NUBP2: variants seen among roughly 807,000 people sequenced by gnomAD.
NUBP2 encodes cytosolic Fe-S cluster assembly factor NUBP2.
In NUBP2, 23 loss-of-function variants were observed where a neutral mutation model predicts 24.9. That is an observed-to-expected ratio of 0.92 (90% CI 0.66 to 1.31). NUBP2 has a LOEUF of 1.31. Among genes scored for constraint, NUBP2 ranks in the 50% most tolerant of loss-of-function variants. NUBP2 has a pLI of 0.00. For synonymous variants in NUBP2, 186 were observed against 170.9 expected (o/e 1.09, Z -0.69); for missense variants, 403 against 386.5 (o/e 1.04, Z -0.36).
In NUBP2 at chr16:1,787,813, C is replaced by T. The variant is rs759857486; in HGVS notation, c.471C>T (p.Leu157=). ...ALRPYQPLGA[L]VVTTPQAVSV... ...GTCCCTACCAGCCCCTGGGGGCCCT[C>T]GTGGTCACCACGCCCCAGGTAGCGC... The change falls in exon 4 of 7, where the codon CTC becomes CTT. Residue 157 remains leucine (L), a synonymous_variant. Transcript: ENST00000262302. 14 of 1,611,306 alleles carry T rather than the reference C, an allele frequency of 8.7e-6. No homozygotes were observed. Among genetic ancestry groups the T allele is most frequent in the Middle Eastern group, 1.6e-4 (1 of 6,074 alleles).
Position 1,785,759 on chromosome 16 carries a change from T to C in NUBP2, c.17-778T>C, listed in dbSNP as rs945780678. 3.9e-6 allele frequency: 5 copies of C among 1,289,012 alleles called. No individual in the cohort carries two copies. The African/African-American group carries it at 6.1e-5, about 16-fold the overall frequency. The allele number at this position is 1,289,012 out of a possible 1,614,324, so 79.8% of individuals were successfully genotyped here. ...GGGAGGCTTTGGACTTGGGAGCCTTTGAACGTGCCCTTGAGAGGCGGATCA... is the reference window on the plus strand; with the variant it reads ...GGGAGGCTTTGGACTTGGGAGCCTTCGAACGTGCCCTTGAGAGGCGGATCA... On this transcript the variant is annotated intron_variant, in intron 1 of 6. Coordinates refer to ENST00000262302, the MANE Select transcript of NUBP2 (RefSeq NM_012225.4).
rs1327961580 is a variant in NUBP2, at chr16:1,788,012, C to T, written c.561C>T (p.Ile187=). Residue 187 remains isoleucine, a synonymous_variant, in exon 5 of 7, where the codon ATC becomes ATT. Transcript: ENST00000262302. ...CRKTGLRVMG[I]VENMSGFTCP... Reference sequence around the variant, plus strand: ...AGACGGGCTTGCGGGTGATGGGAATCGTGGAGAATATGAGCGGCTTCACCT... The same window carrying T: ...AGACGGGCTTGCGGGTGATGGGAATTGTGGAGAATATGAGCGGCTTCACCT... The T allele has an allele frequency of 5.0e-6, 8 of 1,603,082 alleles. No individual in the cohort carries two copies. Among genetic ancestry groups the T allele is most frequent in the Middle Eastern group, 1.7e-4 (1 of 5,998 alleles).
rs1440025772 is a variant in NUBP2, at chr16:1,782,990, AC to A, written c.-30del. On this transcript the variant is annotated 5_prime_UTR_variant, in exon 1 of 7. It adds an upstream start codon to the 5' untranslated region. Coordinates refer to ENST00000262302, the MANE Select transcript of NUBP2 (RefSeq NM_012225.4). ...GCTGACGGCCCGCGGGCGTAAGCGG[AC>A]TGCAGCCGCGAGCTCCTGGAGGCGG... The A allele has an allele frequency of 7.1e-7, 1 of 1,401,906 alleles. No individual in the cohort carries two copies. The allele number at this position is 1,401,906 out of a possible 1,614,324, so 86.8% of individuals were successfully genotyped here.
chr16:1,783,255 G>A, intron 1 of NUBP2: 2 of 1,161,144 alleles, frequency 1.7e-6, no homozygotes, highest in Non-Finnish European at 1.1e-6. Flanking sequence ...ATCTCGGAGG[G>A]CCTGAGTCGT....
rs1897000718 is a variant in NUBP2 at position 1,786,890 on chromosome 16, T to C, written c.269T>C (p.Met90Thr). 6.4e-7 allele frequency: 1 copy of C among 1,564,274 alleles called. No homozygotes were observed. The highest frequency in any genetic ancestry group is 8.7e-7 in the Non-Finnish European group (1 of 1,149,398). ...GACCGGGAGCAGAGCATCTCGCTCA[T>C]GTCTGTGGGCTTCCTGCTGGAGAAG... is the stretch of plus-strand genomic sequence containing the variant. ...FLDREQSISL[M>T]SVGFLLEKPD... Residue 90 changes from methionine to threonine, a missense_variant, in exon 3 of 7, where the codon ATG (methionine) becomes ACG (threonine). By Grantham distance (81) the Met-to-Thr change is moderately conservative. Coordinates refer to ENST00000262302, the MANE Select transcript of NUBP2 (RefSeq NM_012225.4).
chr16:1,786,345 G>C (rs538526343), intron 1 of NUBP2, 192 bp from the exon 2 acceptor site: 2 of 614,180 alleles, frequency 3.3e-6, no homozygotes, highest in East Asian at 2.7e-5. Flanking sequence ...GGGTCCCCCC[G>C]GGTCTGGGGC....
In NUBP2 at chr16:1,788,600, G is replaced by T; in HGVS notation, c.702G>T (p.Arg234Ser). 6.2e-7 allele frequency: 1 copy of T among 1,609,512 alleles called. No individual in the cohort carries two copies. The highest frequency in any genetic ancestry group is 8.5e-7 in the Non-Finnish European group (1 of 1,179,182). Residue 234 changes from arginine (R) to serine (S), a missense_variant, in exon 7 of 7, where the codon AGG becomes AGT. Arg to Ser is a moderately radical substitution (Grantham distance 110). Transcript: ENST00000262302. Reference protein sequence around the residue: ...GSVPLDPALMRTLEEGHDFIQ... With the variant: ...GSVPLDPALMSTLEEGHDFIQ... ...TGCCCCTGGACCCTGCGCTCATGAGGACCCTGGAGGAGGGCCACGACTTCA... is the reference window on the plus strand; with the variant it reads ...TGCCCCTGGACCCTGCGCTCATGAGTACCCTGGAGGAGGGCCACGACTTCA...
intron 1 of NUBP2, chr16:1,786,241 C>T (rs1023519331): frequency 2.0e-5 from 9 of 449,134 alleles, no homozygotes; most frequent in African/African-American, 1.8e-4. Flanking sequence ...CACGAAGGAA[C>T]GCATGCACCC....
At chr16:1,787,498 C>A in intron 3 of NUBP2, 179 bp from the exon 4 acceptor site, 1 of 805,184 alleles carries the variant, frequency 1.2e-6, no homozygotes, top group Non-Finnish European at 2.0e-6. Context: ...TGGCCCCGGC[C>A]CCATCTTTGC....
chr16:1,786,679 G>A (rs1319057171), intron 2 of NUBP2, 24 bp downstream of exon 2: 11 of 1,612,162 alleles, frequency 6.8e-6, no homozygotes, highest in Non-Finnish European at 9.3e-6. Context: ...CCCTCACTGG[G>A]CGGAGCCCCG....
chr16:1,787,892 T>C, intron 4 of NUBP2, 49 bp from the exon 5 acceptor site: 1 of 1,600,794 alleles, frequency 6.2e-7, no homozygotes. Context: ...TGGGCGGGTG[T>C]CCCTGCTGGT....
Position 1,783,007 on chromosome 16 carries a change from C to CTGGAGGCGGCGGGA in NUBP2, c.-1_13dup, listed in dbSNP as rs886068769. The CTGGAGGCGGCGGGA allele has an allele frequency of 2.9e-5, 41 of 1,395,080 alleles. No homozygotes were observed. Among genetic ancestry groups the CTGGAGGCGGCGGGA allele is most frequent in the Non-Finnish European group, 3.5e-5 (37 of 1,070,608 alleles). 86.4% of individuals were successfully genotyped at this position (1,395,080 alleles called of 1,614,324 possible). ...GTAAGCGGACTGCAGCCGCGAGCTC[C>CTGGAGGCGGCGGGA]TGGAGGCGGCGGGATGGAGGCGGCG... is the stretch of plus-strand genomic sequence containing the variant. On this transcript the variant is annotated 5_prime_UTR_variant, in exon 1 of 7. It adds an upstream start codon to the 5' untranslated region. Transcript: ENST00000262302.
rs1487423586 is a variant in NUBP2 at position 1,788,190 on chromosome 16, C to T, written c.653C>T (p.Ala218Val). The change falls in exon 6 of 7, where the codon GCC (alanine) becomes GTC (valine). Residue 218 changes from alanine to valine, a missense_variant. Coordinates refer to ENST00000262302, the MANE Select transcript of NUBP2 (RefSeq NM_012225.4). ...GGCGGAGAGGAGCTGGCCCAGCTCG[C>T]CGGGGTGCCCTTCTTAGGTGAGTGT... is the stretch of plus-strand genomic sequence containing the variant. ...RGGGEELAQL[A>V]GVPFLGSVPL... 6.6e-7 allele frequency: 1 copy of T among 1,504,620 alleles called. No homozygotes were observed. The highest frequency in any genetic ancestry group is 2.5e-5 in the Admixed American group (1 of 40,432). 93.2% of individuals were successfully genotyped at this position (1,504,620 alleles called of 1,614,324 possible). A position where few individuals can be genotyped will look rare whatever the true frequency, so the allele number is the denominator to read the frequency against.
chr16:1,783,935 C>G (rs1197117617), intron 1 of NUBP2: 1 of 650,858 alleles, frequency 1.5e-6, no homozygotes, highest in South Asian at 6.9e-5. Context: ...CCTCGTGATC[C>G]GCCCGTCTCA....
Position 1,786,797 on chromosome 16 carries a change from C to T in NUBP2, c.176C>T (p.Pro59Leu). ...LDVDLCGPSI[P>L]RMLGAQGRAV... is the part of the protein sequence containing the mutation. ...GTGGACCTGTGTGGCCCCAGTATCCCCCGCATGCTCGGGGCGCAGGGCAGG... is the reference window on the plus strand; with the variant it reads ...GTGGACCTGTGTGGCCCCAGTATCCTCCGCATGCTCGGGGCGCAGGGCAGG... The change falls in exon 3 of 7, where the codon CCC (proline) becomes CTC (leucine). Residue 59 changes from proline to leucine, a missense_variant. Physicochemically the swap from Pro to Leu is moderately conservative, Grantham distance 98 (BLOSUM62 -3). Transcript: ENST00000262302. 1.2e-6 allele frequency: 2 copies of T among 1,610,238 alleles called. No homozygotes were observed. The highest frequency in any genetic ancestry group is 1.7e-5 in the Admixed American group (1 of 59,880).
intron 3 of NUBP2, chr16:1,787,370 C>T: frequency 2.1e-6 from 1 of 482,482 alleles, no homozygotes; most frequent in Admixed American, 3.5e-5. Context: ...TGTGGGTGCT[C>T]CCATGTGTGG....
rs1004417909 is a variant in NUBP2 at position 1,783,189 on chromosome 16, A to G, written c.16+153A>G. 7 of 1,175,516 alleles carry G rather than the reference A, an allele frequency of 6.0e-6. No individual in the cohort carries two copies. The East Asian group carries it at 1.9e-4, about 32-fold the overall frequency. The allele number at this position is 1,175,516 out of a possible 1,614,324, so 72.8% of individuals were successfully genotyped here. ...CCGGGCCAGAGGCCGCGGCGCGGGC[A>G]TTTTCTAAACAGGGTCGTTTCCCGC... On this transcript the variant is annotated intron_variant, in intron 1 of 6. Coordinates refer to ENST00000262302, the MANE Select transcript of NUBP2 (RefSeq NM_012225.4).
intron 3 of NUBP2, 200 bp downstream of exon 3, chr16:1,787,155 C>T (rs564327717): frequency 1.2e-5 from 6 of 521,376 alleles, no homozygotes; most frequent in African/African-American, 7.6e-5. Flanking sequence ...CCCCAACTCC[C>T]GGTCAGAGGG....
intron 1 of NUBP2, chr16:1,786,031 C>A: frequency 8.5e-7 from 1 of 1,172,862 alleles, no homozygotes; most frequent in Non-Finnish European, 1.1e-6. Context: ...CCCTCACTTA[C>A]CGCACATTGC....
Sources: gnomAD v4.1 joint callset for allele counts on GRCh38, gnomAD v4.1.1 for gene constraint, MANE v1.5 for transcripts, NCBI Gene and HGNC (gene_info 2026-07-23, HGNC 2026-07-21) for gene names.